SLC12A3: variants seen among roughly 807,000 people sequenced by gnomAD.
SLC12A3 encodes solute carrier family 12 member 3.
A neutral mutation model predicts 121.0 loss-of-function variants in SLC12A3; 104 were observed. The ratio of observed to expected loss-of-function variants is 0.86; its 90% CI spans 0.73 to 1.01. The LOEUF (loss-of-function observed/expected upper bound fraction) is 1.01. Ranked by LOEUF, SLC12A3 falls within the 50% of genes least tolerant of loss-of-function variation. The pLI, the probability that SLC12A3 is intolerant of heterozygous loss-of-function variation, is 0.00. For missense variants in SLC12A3, 1,328 were observed against 1,356.3 expected (o/e 0.98, Z 0.33); for synonymous variants, 536 against 533.4 (o/e 1.00, Z -0.07).
chr16:56,881,444 T>TTG (rs11378837), intron 12 of SLC12A3, among the ~76,000 whole-genome samples: 2 of 150,172 alleles, frequency 1.3e-5, no homozygotes, highest in African/African-American at 4.9e-5. Context: ...TCCTTTCATC[T>TTG]GGGGGGGGGT....
At chr16:56,895,610 G>T (rs1222105333) in intron 22 of SLC12A3, among the ~76,000 whole-genome samples, 1 of 151,998 alleles carries the variant, frequency 6.6e-6, no homozygotes, top group Non-Finnish European at 1.5e-5. Flanking sequence ...TGAAGTAGGG[G>T]CTAGAATCCT....
chr16:56,876,086 C>T (rs1409164504), intron 8 of SLC12A3, among the ~76,000 whole-genome samples: 3 of 152,136 alleles, frequency 2.0e-5, no homozygotes, highest in Admixed American at 6.5e-5. Context: ...GAGAATCCTG[C>T]CTTGCCTCTT....
chr16:56,879,506 C>T (rs1596907965), intron 10 of SLC12A3, 36 bp from the exon 11 acceptor site: 1 of 1,535,386 alleles, frequency 6.5e-7, no homozygotes, highest in African/African-American at 1.4e-5. Context: ...TGGCTCAGCC[C>T]CCACCGTGGA....
At chr16:56,909,669 TG>T (rs2055657852) in intron 25 of SLC12A3, among the ~76,000 whole-genome samples, 1 of 151,980 alleles carries the variant, frequency 6.6e-6, no homozygotes, top group Admixed American at 6.6e-5. Flanking sequence ...CCATGCCTAG[TG>T]TTTCTCTACA....
rs1357696977 is a variant in SLC12A3, at chr16:56,902,513, A to C, written c.2856+5A>C. 5.1e-6 allele frequency: 3 copies of C among 582,684 alleles called. No homozygotes were observed. The highest frequency in any genetic ancestry group is 6.4e-4 in the Middle Eastern group (2 of 3,132). 36.1% of individuals were successfully genotyped at this position (582,684 alleles called of 1,614,324 possible). A position where few individuals can be genotyped will look rare whatever the true frequency, so the allele number is the denominator to read the frequency against. On this transcript the variant is annotated splice_donor_5th_base_variant and intron_variant, in intron 24 of 25. Transcript: ENST00000563236. ...ATTACGAAGAACAGAGTCAAGGTGCAGAGAGGGGTGGGGGTGGGAAACGCG... is the reference window on the plus strand; with the variant it reads ...ATTACGAAGAACAGAGTCAAGGTGCCGAGAGGGGTGGGGGTGGGAAACGCG...
At chr16:56,889,423 A>G (rs755900454) in intron 18 of SLC12A3, among the ~76,000 whole-genome samples, 1 of 152,192 alleles carries the variant, frequency 6.6e-6, no homozygotes, top group Admixed American at 6.5e-5. Flanking sequence ...CACTGTGTCA[A>G]TCAGGCAGTA....
At position 56,886,336 on chromosome 16, in the gene SLC12A3, C is replaced by A. The variant is rs369811661; in HGVS notation, c.1926-28C>A. ...ACCCCCGTGGGCTCTCTCCTGATGG[C>A]TCCTGCCCTTTTCCCTTCCCTCCTC... On this transcript the variant is annotated intron_variant, in intron 15 of 25. Coordinates refer to ENST00000563236, the MANE Select transcript of SLC12A3 (RefSeq NM_001126108.2). 6 of 1,558,364 alleles carry A rather than the reference C, an allele frequency of 3.9e-6. No homozygotes were observed. In the African/African-American group the frequency reaches 8.1e-5, roughly 21 times the overall value.
At chr16:56,892,815 G>A (rs764757087) in intron 20 of SLC12A3, 138 bp from the exon 21 acceptor site, 49 of 694,360 alleles carry the variant, frequency 7.1e-5, no homozygotes, top group Non-Finnish European at 1.1e-4. Flanking sequence ...AGCACTGAGC[G>A]TCCTGGGCCC....
Position 56,884,157 on chromosome 16 carries a change from T to A in SLC12A3, c.1778T>A (p.Ile593Asn). 1.2e-6 allele frequency: 2 copies of A among 1,614,160 alleles called. No individual in the cohort carries two copies. Among genetic ancestry groups the A allele is most frequent in the Non-Finnish European group, 1.7e-6 (2 of 1,180,006 alleles). Residue 593 changes from isoleucine (I) to asparagine (N), a missense_variant, in exon 14 of 26, where the codon ATT (isoleucine) becomes AAT (asparagine). Transcript: ENST00000563236. ...ACCTGGTGGGCGGCCCTCATCGCCA[T>A]TGGCGTGGTGCTCTTCCTCCTGCTC... ...LLTWWAALIA[I>N]GVVLFLLLYV...
At position 56,895,098 on chromosome 16, in the gene SLC12A3, C is replaced by T. The variant is rs796153568; in HGVS notation, c.2633+456C>T. 7.3e-5 allele frequency among the ~76,000 whole-genome samples: 11 copies of T among 151,130 alleles called. No homozygotes were observed. The South Asian group carries it at 1.7e-3, about 23-fold the overall frequency. On this transcript the variant is annotated intron_variant, in intron 22 of 25. Coordinates refer to ENST00000563236, the MANE Select transcript of SLC12A3 (RefSeq NM_001126108.2). ...GTATGAAATGAAGGATGGGCTGGGC[C>T]AAGGCAGCTGGATCCAGGAGTCCAG...
rs1295643797 is a variant in SLC12A3, at chr16:56,879,539, C to A, written c.1336-3C>A. ...GGAGTCCCTGAGCCCCAAATCCCCA[C>A]AGACCATGAGCATGGTGTCAGGCTT... On this transcript the variant is annotated splice_region_variant and splice_polypyrimidine_tract_variant and intron_variant, in intron 10 of 25. Coordinates refer to ENST00000563236, the MANE Select transcript of SLC12A3 (RefSeq NM_001126108.2). The A allele has an allele frequency of 1.2e-6, 2 of 1,611,856 alleles. No individual in the cohort carries two copies. The highest frequency in any genetic ancestry group is 1.7e-6 in the Non-Finnish European group (2 of 1,178,278).
Position 56,879,220 on chromosome 16 carries a change from A to C in SLC12A3, c.1328A>C (p.Tyr443Ser), listed in dbSNP as rs762693288. 1 of 1,613,704 alleles carries C rather than the reference A, an allele frequency of 6.2e-7. No homozygotes were observed. The change falls in exon 10 of 26, where the codon TAT becomes TCT. Residue 443 changes from tyrosine (Y) to serine (S), a missense_variant. By Grantham distance (144) the Tyr-to-Ser change is moderately radical (BLOSUM62 -2). Coordinates refer to ENST00000563236, the MANE Select transcript of SLC12A3 (RefSeq NM_001126108.2). ...QHSCHYGLINYYQTMSMVSGF... is the reference protein window; with the variant it reads ...QHSCHYGLINSYQTMSMVSGF... Reference sequence around the variant, plus strand: ...AGCTGCCACTACGGCCTCATCAACTATTACCAGGTACTGCCAGGAGAGCTG... The same window carrying C: ...AGCTGCCACTACGGCCTCATCAACTCTTACCAGGTACTGCCAGGAGAGCTG...
At chr16:56,883,796 A>C (rs2055273392) in intron 13 of SLC12A3, among the ~76,000 whole-genome samples, 1 of 152,104 alleles carries the variant, frequency 6.6e-6, no homozygotes, top group Non-Finnish European at 1.5e-5. Flanking sequence ...CTGACATGGG[A>C]TGTCCTGTGG....
chr16:56,907,416 C>T (rs2055622747), intron 25 of SLC12A3, among the ~76,000 whole-genome samples: 1 of 151,136 alleles, frequency 6.6e-6, no homozygotes, highest in East Asian at 1.9e-4. Flanking sequence ...CAAGATCATG[C>T]CACTGCACTC....
chr16:56,890,153 G>T lies in SLC12A3; in HGVS notation c.2286-121G>T, dbSNP rs2055368885. On this transcript the variant is annotated intron_variant, in intron 18 of 25. Transcript: ENST00000563236. ...ATACAGATGGGGAAACTGAGGCCCA[G>T]AGAACAGAAAGGGCGTGGTAGGAAG... 1.3e-5 allele frequency: 10 copies of T among 773,920 alleles called. No individual in the cohort carries two copies. The South Asian group carries it at 1.4e-4, about 11-fold the overall frequency. 47.9% of individuals were successfully genotyped at this position (773,920 alleles called of 1,614,324 possible).
At chr16:56,906,889 G>A (rs1467317937) in intron 25 of SLC12A3, 2 of 553,626 alleles carry the variant, frequency 3.6e-6, no homozygotes, top group Non-Finnish European at 6.8e-6. Context: ...GAAGTTAAGG[G>A]GACTGTAAAG....
intron 12 of SLC12A3, 67 bp from the exon 13 acceptor site, chr16:56,882,329 G>C (rs1300139256): frequency 8.3e-6 from 11 of 1,331,330 alleles, no homozygotes; most frequent in African/African-American, 1.4e-5. Context: ...CTGGGAAGGA[G>C]GGTGCCAAGC....
At chr16:56,870,556 A>T in intron 5 of SLC12A3, 70 bp from the exon 6 acceptor site, 1 of 1,037,254 alleles carries the variant, frequency 9.6e-7, no homozygotes, top group African/African-American at 1.6e-5. Flanking sequence ...GGTGCCTCCT[A>T]GGTGGGCAGA....
chr16:56,878,041 T>TCCCC, intron 8 of SLC12A3, 36 bp from the exon 9 acceptor site: 3 of 393,164 alleles, frequency 7.6e-6, no homozygotes, highest in South Asian at 2.1e-5. Flanking sequence ...CCTCTCTCCC[T>TCCCC]CCCTCCCTCC....
Sources: allele counts gnomAD v4.1 joint callset (sites outside exome capture counted in the v4.1 genomes callset), GRCh38; gene constraint gnomAD v4.1.1; transcripts MANE v1.5; gene names NCBI Gene and HGNC (gene_info 2026-07-23, HGNC 2026-07-21).